Variants in SLC17A8 observed in about 807,000 individuals in gnomAD.
The protein encoded by SLC17A8 is solute carrier family 17 member 8, also known as vesicular glutamate transporter 3.
A neutral mutation model predicts 58.0 loss-of-function variants in SLC17A8; 31 were observed. The observed-to-expected ratio is 0.53, with a 90% confidence interval of 0.40 to 0.72. SLC17A8 has a LOEUF of 0.72. Ranked by LOEUF, SLC17A8 falls within the 30% of genes least tolerant of loss-of-function variation. SLC17A8 has a pLI of 0.00. For synonymous variants in SLC17A8, 228 were observed against 249.0 expected, an observed-to-expected ratio of 0.92 and a Z score of 0.79; for missense variants, 655 against 727.8, an observed-to-expected ratio of 0.90 and a Z score of 1.15.
intron 2 of SLC17A8, among the ~76,000 whole-genome samples, chr12:100,390,605 C>T (rs1566395426): frequency 6.6e-6 from 1 of 151,758 alleles, no homozygotes; most frequent in Non-Finnish European, 1.5e-5. Flanking sequence ...GCCTCAGCCT[C>T]CCAAAGTGCT....
chr12:100,400,922 A>G (rs760726595), intron 5 of SLC17A8, among the ~76,000 whole-genome samples: 10 of 152,072 alleles, frequency 6.6e-5, no homozygotes, highest in Admixed American at 2.0e-4. Flanking sequence ...AAATACATGT[A>G]AAAATGTACC....
chr12:100,364,473 A>C (rs879492256), intron 1 of SLC17A8, among the ~76,000 whole-genome samples: 1 of 152,114 alleles, frequency 6.6e-6, no homozygotes, highest in Non-Finnish European at 1.5e-5. Flanking sequence ...GGTGAGTGGG[A>C]GCTCCGACAT....
intron 5 of SLC17A8, among the ~76,000 whole-genome samples, chr12:100,397,563 A>G (rs1484125131): frequency 6.6e-6 from 1 of 152,172 alleles, no homozygotes; most frequent in Non-Finnish European, 1.5e-5. Flanking sequence ...CCTAGGAATC[A>G]ATCAACAACA....
chr12:100,363,223 C>CA (rs1338866305), intron 1 of SLC17A8, among the ~76,000 whole-genome samples: 1 of 152,190 alleles, frequency 6.6e-6, no homozygotes, highest in Non-Finnish European at 1.5e-5. Context: ...TCTAGCTCCT[C>CA]AGAGCCTAAG....
chr12:100,394,312 T>C (rs530399822), intron 4 of SLC17A8, among the ~76,000 whole-genome samples: 9 of 152,150 alleles, frequency 5.9e-5, no homozygotes, highest in African/African-American at 2.2e-4. Context: ...GATCGACTCA[T>C]TTAAAACAAA....
chr12:100,380,613 G>T, intron 1 of SLC17A8, 88 bp from the exon 2 acceptor site: 1 of 1,501,226 alleles, frequency 6.7e-7, no homozygotes, highest in Non-Finnish European at 9.2e-7. Context: ...TTTTTCATCT[G>T]CTGGTACCTT....
chr12:100,406,558 CAG>C (rs1044022688), intron 9 of SLC17A8, among the ~76,000 whole-genome samples: 1 of 147,766 alleles, frequency 6.8e-6, no homozygotes, highest in Non-Finnish European at 1.5e-5. Context: ...TTTTTTGAGA[CAG>C]AGTCTCGCTC....
chr12:100,387,949 T>G (rs1952687724), intron 2 of SLC17A8, among the ~76,000 whole-genome samples: 1 of 152,218 alleles, frequency 6.6e-6, no homozygotes, highest in African/African-American at 2.4e-5. Context: ...CATTTCTCTT[T>G]GTTTAAAAGC....
intron 9 of SLC17A8, among the ~76,000 whole-genome samples, chr12:100,409,666 G>A (rs1026329337): frequency 6.6e-6 from 1 of 152,186 alleles, no homozygotes; most frequent in Non-Finnish European, 1.5e-5. Flanking sequence ...TGTTAGGGAA[G>A]CTTTCTAGAG....
Position 100,403,441 on chromosome 12 carries a change from C to G in SLC17A8, c.1054-597C>G, listed in dbSNP as rs145871000. Among the ~76,000 whole-genome samples the G allele has an allele frequency of 7.9e-3, 1,198 of 151,372 alleles. 25 individuals carry two copies. Among genetic ancestry groups the G allele is most frequent in the African/African-American group, 0.027 (1,118 of 41,184 alleles). On this transcript the variant is annotated intron_variant, in intron 8 of 11. Transcript: ENST00000323346. ...GCGAGATTGCACCACTGCACTCCAG[C>G]CTGGGCAACAGAGCAAGACTCTGTC...
intron 1 of SLC17A8, among the ~76,000 whole-genome samples, chr12:100,372,133 C>G (rs1480791182): frequency 6.6e-6 from 1 of 152,094 alleles, no homozygotes; most frequent in African/African-American, 2.4e-5. Context: ...TATTTGTTTG[C>G]TAGGGCTGCC....
chr12:100,373,576 A>ATT (rs1566388438), intron 1 of SLC17A8, among the ~76,000 whole-genome samples: 4 of 117,264 alleles, frequency 3.4e-5, no homozygotes, highest in African/African-American at 1.0e-4. Context: ...CAAATCAGTG[A>ATT]CTTTTTTTTT....
At chr12:100,388,963 T>TG (rs1952694972) in intron 2 of SLC17A8, among the ~76,000 whole-genome samples, 1 of 152,150 alleles carries the variant, frequency 6.6e-6, no homozygotes, top group South Asian at 2.1e-4. Flanking sequence ...CATGTGGATG[T>TG]CCATTCACTG....
chr12:100,390,300 C>G (rs538488522), intron 2 of SLC17A8, among the ~76,000 whole-genome samples: 6 of 151,750 alleles, frequency 4.0e-5, no homozygotes, highest in Non-Finnish European at 8.8e-5. Flanking sequence ...TGTACATAAT[C>G]TCTTATTACA....
At position 100,403,222 on chromosome 12, in the gene SLC17A8, A is replaced by C. The variant is rs547634114; in HGVS notation, c.1053+477A>C. The stretch of plus-strand genomic sequence containing the variant: ...CCAGGCGTGGTGGCTCACGCCTATA[A>C]TCCCAGCATTTTGGGAAGCCAAGGC... On this transcript the variant is annotated intron_variant, in intron 8 of 11. Coordinates refer to ENST00000323346, the MANE Select transcript of SLC17A8 (RefSeq NM_139319.3). Among the ~76,000 whole-genome samples the C allele has an allele frequency of 3.3e-5, 5 of 152,284 alleles. 1 individual carries two copies. The South Asian group carries it at 8.3e-4, about 25-fold the overall frequency.
chr12:100,369,471 C>G (rs1291134141), intron 1 of SLC17A8, among the ~76,000 whole-genome samples: 1 of 152,164 alleles, frequency 6.6e-6, no homozygotes, highest in Non-Finnish European at 1.5e-5. Flanking sequence ...TCCAGAAATT[C>G]TGCCACAGCA....
At chr12:100,367,545 TTTTA>T (rs993190862) in intron 1 of SLC17A8, among the ~76,000 whole-genome samples, 1 of 152,132 alleles carries the variant, frequency 6.6e-6, no homozygotes, top group Non-Finnish European at 1.5e-5. Context: ...TTTTTTATTC[TTTTA>T]TTTATTTATT....
chr12:100,371,688 C>T (rs1426968170), intron 1 of SLC17A8, among the ~76,000 whole-genome samples: 3 of 152,200 alleles, frequency 2.0e-5, no homozygotes, highest in Non-Finnish European at 2.9e-5. Flanking sequence ...GCTGGGATTA[C>T]AGGTGCTTGC....
chr12:100,401,666 C>T, intron 5 of SLC17A8, 111 bp from the exon 6 acceptor site: 1 of 926,402 alleles, frequency 1.1e-6, no homozygotes, highest in East Asian at 2.5e-5. Flanking sequence ...CGGAGGCAGT[C>T]TGATTCCTGC....
Sources: gnomAD v4.1 joint callset for allele counts (sites outside exome capture counted in the v4.1 genomes callset) on GRCh38, gnomAD v4.1.1 for gene constraint, MANE v1.5 for transcripts, NCBI Gene and HGNC (gene_info 2026-07-23, HGNC 2026-07-21) for gene names.